ADH6: variants seen among roughly 807,000 people sequenced by gnomAD.
The protein encoded by ADH6 is alcohol dehydrogenase 6.
ADH6 carries 34 observed loss-of-function variants against 36.5 expected under a neutral mutation model. That is an observed-to-expected ratio of 0.93 (90% CI 0.71 to 1.24). The LOEUF (loss-of-function observed/expected upper bound fraction) is 1.24. Ranked by LOEUF, ADH6 falls within the 50% of genes most tolerant of loss-of-function variation. The probability of loss-of-function intolerance (pLI) is 0.00; values close to 1 mark genes in which losing one functional copy is unlikely to be tolerated. For synonymous variants in ADH6, 161 were observed against 155.5 expected (o/e 1.04, Z -0.26); for missense variants, 440 against 447.0 (o/e 0.98, Z 0.14).
chr4:99,207,309 G>A (rs577823281), intron 7 of ADH6, 137 bp downstream of exon 7: 172 of 1,077,356 alleles, frequency 1.6e-4, no homozygotes, highest in Middle Eastern at 2.9e-4. Flanking sequence ...TTTATATTGG[G>A]TATTCATATG....
At chr4:99,206,865 G>A (rs1347323046) in intron 7 of ADH6, among the ~76,000 whole-genome samples, 2 of 151,954 alleles carry the variant, frequency 1.3e-5, no homozygotes, top group African/African-American at 4.8e-5. Flanking sequence ...CAATAAAATA[G>A]TCTTCTAAAG....
chr4:99,214,734 T>C (rs1327467114), intron 2 of ADH6, among the ~76,000 whole-genome samples: 1 of 152,184 alleles, frequency 6.6e-6, no homozygotes, highest in Non-Finnish European at 1.5e-5. Flanking sequence ...ACATACTCCT[T>C]AGTCAAGAAA....
chr4:99,207,713 A>G, intron 6 of ADH6, 132 bp from the exon 7 acceptor site: 7 of 971,330 alleles, frequency 7.2e-6, no homozygotes, highest in Non-Finnish European at 1.0e-5. Flanking sequence ...TCTCATTTGA[A>G]GTAACATTTA....
chr4:99,212,161 C>T (rs1579446690), intron 3 of ADH6, among the ~76,000 whole-genome samples: 1 of 152,152 alleles, frequency 6.6e-6, no homozygotes, highest in East Asian at 1.9e-4. Context: ...AGAATTGAAA[C>T]TGTTGTGTCC....
chr4:99,204,663 A>C, intron 8 of ADH6: 1 of 1,202,640 alleles, frequency 8.3e-7, no homozygotes, highest in Non-Finnish European at 1.0e-6. Context: ...ATGTAAAAAA[A>C]AAATCCATAT....
intron 5 of ADH6, 150 bp downstream of exon 5, chr4:99,209,932 A>T (rs1731164064): frequency 4.2e-6 from 3 of 720,604 alleles, no homozygotes; most frequent in Non-Finnish European, 6.9e-6. Context: ...GGGGTGTGGG[A>T]TGACTAGGTA....
intron 7 of ADH6, among the ~76,000 whole-genome samples, chr4:99,205,719 G>A (rs1383400112): frequency 1.3e-5 from 2 of 152,134 alleles, no homozygotes; most frequent in Non-Finnish European, 2.9e-5. Flanking sequence ...TGTGCTAAGT[G>A]CCACGCTCAG....
At position 99,219,212 on chromosome 4, in the gene ADH6, A is replaced by T; in HGVS notation, c.-60T>A. Reference sequence around the variant, plus strand: ...AAAGGGAGATCCTGTAGCAACTTTCACTGTAGAAAGTACAAAGGTACACAG... The same window carrying T: ...AAAGGGAGATCCTGTAGCAACTTTCTCTGTAGAAAGTACAAAGGTACACAG... On this transcript the variant is annotated 5_prime_UTR_variant, in exon 1 of 9. Coordinates refer to ENST00000394899, the MANE Select transcript of ADH6 (RefSeq NM_001102470.2). 6.6e-7 allele frequency: 1 copy of T among 1,513,472 alleles called. No individual in the cohort carries two copies. The highest frequency in any genetic ancestry group is 9.2e-7 in the Non-Finnish European group (1 of 1,089,394). 93.8% of individuals were successfully genotyped at this position (1,513,472 alleles called of 1,614,324 possible).
chr4:99,219,070 G>A (rs1275771611), intron 1 of ADH6, 65 bp downstream of exon 1: 57 of 1,520,332 alleles, frequency 3.7e-5, no homozygotes, highest in Non-Finnish European at 5.0e-5. Flanking sequence ...TGAGATGTTG[G>A]TAAAGAGATG....
At position 99,209,804 on chromosome 4, in the gene ADH6, T is replaced by C. The variant is rs1330720992; in HGVS notation, c.567+278A>G. ...TGGAATATGAAAGGCCACAGAGTCA[T>C]GTTGTAACTATGTTAGATTTAATTT... On this transcript the variant is annotated intron_variant, in intron 5 of 8. Transcript: ENST00000394899. 7.2e-5 allele frequency among the ~76,000 whole-genome samples: 11 copies of C among 152,252 alleles called. No homozygotes were observed. The South Asian group carries it at 2.1e-3, about 29-fold the overall frequency.
In ADH6 at chr4:99,216,103, G is replaced by A. The variant is rs563485802; in HGVS notation, c.120+58C>T. ...TCCGGATAAGAATATGTAACTTACA[G>A]TAAGAAGCTCTGGCTTTTGGCTTTT... is the stretch of plus-strand genomic sequence containing the variant. On this transcript the variant is annotated intron_variant, in intron 2 of 8. Transcript: ENST00000394899. The A allele has an allele frequency of 2.7e-4, 265 of 976,642 alleles. 1 individual carries two copies. In the African/African-American group the frequency reaches 4.4e-3, roughly 16 times the overall value. 60.5% of individuals were successfully genotyped at this position (976,642 alleles called of 1,614,324 possible).
At chr4:99,216,504 C>T (rs1487503465) in intron 1 of ADH6, among the ~76,000 whole-genome samples, 1 of 152,078 alleles carries the variant, frequency 6.6e-6, no homozygotes, top group East Asian at 1.9e-4. Flanking sequence ...CAAAATGTAA[C>T]ATGACCAAGA....
Position 99,204,154 on chromosome 4 carries a change from A to T in ADH6, c.*65T>A. ...GGTGAATAATTCTTCTAAATCATGA[A>T]AATTACATCAAATGCCATTGAGTTG... On this transcript the variant is annotated 3_prime_UTR_variant, in exon 9 of 9. Coordinates refer to ENST00000394899, the MANE Select transcript of ADH6 (RefSeq NM_001102470.2). 6.5e-7 allele frequency: 1 copy of T among 1,532,950 alleles called. No individual in the cohort carries two copies. The highest frequency in any genetic ancestry group is 8.8e-7 in the Non-Finnish European group (1 of 1,133,318). The allele number at this position is 1,532,950 out of a possible 1,614,324, so 95.0% of individuals were successfully genotyped here. A position where few individuals can be genotyped will look rare whatever the true frequency, so the allele number is the denominator to read the frequency against.
chr4:99,207,261 C>T (rs1444932125), intron 7 of ADH6, among the ~76,000 whole-genome samples, 185 bp downstream of exon 7: 2 of 151,926 alleles, frequency 1.3e-5, no homozygotes, highest in Admixed American at 6.6e-5. Context: ...TGAGAAAAAG[C>T]TTTCCAAGAG....
intron 1 of ADH6, 29 bp downstream of exon 1, chr4:99,219,106 C>T (rs1295788766): frequency 6.2e-7 from 1 of 1,604,204 alleles, no homozygotes; most frequent in Non-Finnish European, 8.5e-7. Flanking sequence ...AAAGATATGA[C>T]ACAACATAAA....
chr4:99,207,322 G>GAA, intron 7 of ADH6, 124 bp downstream of exon 7: 3 of 1,245,980 alleles, frequency 2.4e-6, no homozygotes, highest in South Asian at 1.6e-5. Context: ...TTCATATGTT[G>GAA]AAAAAAAAAA....
intron 5 of ADH6, 101 bp from the exon 6 acceptor site, chr4:99,209,029 C>T (rs539395587): frequency 2.0e-5 from 25 of 1,273,658 alleles, no homozygotes; most frequent in South Asian, 6.3e-5. Flanking sequence ...TATTTTTTAA[C>T]GAGTCATAAG....
At chr4:99,209,287 TTCTC>T (rs1731142309) in intron 5 of ADH6, among the ~76,000 whole-genome samples, 1 of 152,044 alleles carries the variant, frequency 6.6e-6, no homozygotes, top group African/African-American at 2.4e-5. Context: ...CTACAACCAT[TTCTC>T]TCTGTCTCTC....
chr4:99,213,791 T>C (rs768945946), intron 2 of ADH6, 44 bp from the exon 3 acceptor site: 1 of 1,497,358 alleles, frequency 6.7e-7, no homozygotes, highest in East Asian at 2.4e-5. Context: ...CTGTTTCAGA[T>C]AATGGTGTTT....
Sources: allele counts gnomAD v4.1 joint callset (sites outside exome capture counted in the v4.1 genomes callset), GRCh38; gene constraint gnomAD v4.1.1; transcripts MANE v1.5; gene names NCBI Gene and HGNC (gene_info 2026-07-23, HGNC 2026-07-21).